The following NCOR2 variants were observed in gnomAD, a reference collection of about 807,000 sequenced individuals.
The protein encoded by NCOR2 is CTG repeat protein 26.
A neutral mutation model predicts 262.9 loss-of-function variants in NCOR2; 81 were observed. The ratio of observed to expected loss-of-function variants is 0.31; its 90% confidence interval spans 0.26 to 0.37. NCOR2 has a LOEUF of 0.37. Ranked by LOEUF, NCOR2 falls within the 10% of genes least tolerant of loss-of-function variation. The pLI is 1.00. For synonymous variants in NCOR2, 1,659 were observed against 1,559.3 expected (o/e 1.06, Z -1.51); for missense variants, 3,385 against 3,621.4 (o/e 0.93, Z 1.68).
chr12:124,497,661 C>T (rs534744457), upstream of NCOR2, among the ~76,000 whole-genome samples: 3 of 152,360 alleles, frequency 2.0e-5, no homozygotes, highest in South Asian at 6.2e-4. This position sits in a 1 kb window ranked among gnomAD's most constrained non-coding sequence, Gnocchi z 4.2. Flanking sequence ...TGTGCATATT[C>T]CGACTGCCTA....
In NCOR2 at chr12:124,378,532, C is replaced by T. The variant is rs71458840; in HGVS notation, c.2020-148G>A. 19 of 784,998 alleles carry T rather than the reference C, an allele frequency of 2.4e-5. No individual in the cohort carries two copies. Among genetic ancestry groups the T allele is most frequent in the South Asian group, 3.8e-5 (2 of 53,080 alleles). 48.6% of individuals were successfully genotyped at this position (784,998 alleles called of 1,614,324 possible). On this transcript the variant is annotated intron_variant, in intron 17 of 46. Transcript: ENST00000405201. The surrounding 1 kb of genome is among the most constrained non-coding windows in gnomAD (Gnocchi z 4.2). ...TGACCGTCCCCCTCACACCCCACCT[C>T]GGCAGCCAAGCGTGCCAGGGTTTAT... is the stretch of plus-strand genomic sequence containing the variant.
intron 13 of NCOR2, among the ~76,000 whole-genome samples, chr12:124,405,742 C>A (rs1204095140): frequency 6.6e-6 from 1 of 152,288 alleles, no homozygotes; most frequent in East Asian, 1.9e-4. Flanking sequence ...GCTCACAACT[C>A]CCCCTGAGGA....
chr12:124,354,070 C>A (rs368491588), intron 27 of NCOR2, 23 bp downstream of exon 29: 1 of 1,599,204 alleles, frequency 6.3e-7, no homozygotes, highest in African/African-American at 1.3e-5. Context: ...ACCGTCCTTC[C>A]TGCCGCACCC....
rs368495791 is a variant in NCOR2, at chr12:124,342,953, C to T, written c.4936+52G>A. ...TCCCTGAGCGAACACTGATGAGGTC[C>T]GTGGCCCTGTTCAGCACCACTGCAG... On this transcript the variant is annotated intron_variant, in intron 33 of 46. Transcript: ENST00000405201. 40 of 1,585,208 alleles carry T rather than the reference C, an allele frequency of 2.5e-5. No individual in the cohort carries two copies. In the South Asian group the frequency reaches 3.7e-4, roughly 15 times the overall value.
exon 31 of NCOR2, chr12:124,346,604 GGCAGCTCGGGCGTGTGCC>G (rs2036960470): frequency 6.3e-7 from 1 of 1,585,162 alleles, no homozygotes; most frequent in Non-Finnish European, 8.5e-7. Context: ...CGGGGCCAGG[GGCAGCTCGGGCGTGTGCC>G]GCAGCTCCTC....
At chr12:124,340,856 C>T in intron 34 of NCOR2, 105 bp from the exon 37 acceptor site, 2 of 1,136,950 alleles carry the variant, frequency 1.8e-6, no homozygotes, top group Non-Finnish European at 2.3e-6. Context: ...ACTCCTGGAG[C>T]CAGCAGAGCT....
At chr12:124,362,353 TC>T in intron 21 of NCOR2, 56 bp from the exon 24 acceptor site, 1 of 1,328,742 alleles carries the variant, frequency 7.5e-7, no homozygotes, top group Non-Finnish European at 9.7e-7. Flanking sequence ...AGTGACAGGG[TC>T]AGGGAGAGAC....
In NCOR2 at chr12:124,517,522, C is replaced by T. The variant is rs1306596975; in HGVS notation, c.-118+18043G>A. The stretch of plus-strand genomic sequence containing the variant: ...GCCAAGCGCCACCTCGGTGGGGAGC[C>T]GGGCGCCGGGGCCGGGCTGCAGCGC... On this transcript the variant is annotated intron_variant, in intron 1 of 46. Transcript: ENST00000404621. This position sits in a 1 kb window ranked among gnomAD's most constrained non-coding sequence, Gnocchi z 7.6. Among the ~76,000 whole-genome samples, 8 of 152,104 alleles carry T rather than the reference C, an allele frequency of 5.3e-5. No homozygotes were observed. Among genetic ancestry groups the T allele is most frequent in the South Asian group, 2.1e-4 (1 of 4,826 alleles).
intron 6 of NCOR2, among the ~76,000 whole-genome samples, chr12:124,451,386 C>T (rs771779570): frequency 3.9e-5 from 6 of 152,250 alleles, no homozygotes; most frequent in Non-Finnish European, 5.9e-5. Flanking sequence ...GTAACCATAC[C>T]GGGTAACTGA....
intron 37 of NCOR2, among the ~76,000 whole-genome samples, chr12:124,339,599 C>T (rs950690833): frequency 8.6e-5 from 11 of 127,552 alleles, no homozygotes. Context: ...CATCTATCCT[C>T]CCACTGACCC....
At chr12:124,433,002 G>GCTGA (rs1165344092) in intron 8 of NCOR2, among the ~76,000 whole-genome samples, 3 of 152,290 alleles carry the variant, frequency 2.0e-5, no homozygotes, top group African/African-American at 7.2e-5. Context: ...CTTCGGTACA[G>GCTGA]TCAGAAAGCC....
intron 1 of NCOR2, among the ~76,000 whole-genome samples, chr12:124,550,773 T>C (rs867290272): frequency 2.0e-5 from 3 of 152,170 alleles, no homozygotes; most frequent in Admixed American, 6.5e-5. Context: ...CACACCTCAA[T>C]GGAGAGAGGG....
At chr12:124,344,807 C>A (rs766417938) in exon 32 of NCOR2, 2 of 1,554,200 alleles carry the variant, frequency 1.3e-6, no homozygotes, top group South Asian at 2.4e-5. Context: ...TCGTAGCAGG[C>A]ACGTTCCAGT....
chr12:124,380,802 C>CCT (rs2040358803), intron 17 of NCOR2, among the ~76,000 whole-genome samples: 1 of 151,848 alleles, frequency 6.6e-6, no homozygotes, highest in Non-Finnish European at 1.5e-5. Context: ...CGTGGGGTCT[C>CCT]TGAGGCAGTG....
chr12:124,415,749 G>A (rs1175978912), intron 13 of NCOR2, among the ~76,000 whole-genome samples: 1 of 152,168 alleles, frequency 6.6e-6, no homozygotes, highest in Non-Finnish European at 1.5e-5. Context: ...CCCAGGCACC[G>A]CAGATACCAC....
At chr12:124,465,119 T>C (rs546180420) in intron 5 of NCOR2, among the ~76,000 whole-genome samples, 2 of 149,616 alleles carry the variant, frequency 1.3e-5, no homozygotes, top group South Asian at 2.1e-4. Flanking sequence ...TGAGCACTGA[T>C]TGGCCAAGGA....
chr12:124,481,806 C>T lies in NCOR2; in HGVS notation c.411+1790G>A, dbSNP rs2047507789. On this transcript the variant is annotated intron_variant, in intron 3 of 46. Transcript: ENST00000405201. The surrounding 1 kb of genome is among the most constrained non-coding windows in gnomAD (Gnocchi z 4.6). ...GGGGGAACACACAGGGGGATGCAGTCGTCTGCCTTTATAAGAGCCCTCTGG... is the reference window on the plus strand; with the variant it reads ...GGGGGAACACACAGGGGGATGCAGTTGTCTGCCTTTATAAGAGCCCTCTGG... 6.6e-6 allele frequency among the ~76,000 whole-genome samples: 1 copy of T among 152,192 alleles called. No homozygotes were observed. The highest frequency in any genetic ancestry group is 1.9e-4 in the East Asian group (1 of 5,180).
chr12:124,356,530 G>A, intron 23 of NCOR2, 112 bp downstream of exon 25: 2 of 972,138 alleles, frequency 2.1e-6, no homozygotes, highest in Non-Finnish European at 2.7e-6. Context: ...CCTCCAGCCA[G>A]GTCCCATAAG....
chr12:124,456,866 G>A (rs2045894848), intron 6 of NCOR2, among the ~76,000 whole-genome samples: 1 of 152,218 alleles, frequency 6.6e-6, no homozygotes, highest in Non-Finnish European at 1.5e-5. Context: ...GTGCGCAGGT[G>A]GCCCCGGAGG....
Sources: allele counts gnomAD v4.1 joint callset (sites outside exome capture counted in the v4.1 genomes callset), GRCh38; gene constraint gnomAD v4.1.1; non-coding constraint Gnocchi (gnomAD v3.1); transcripts MANE v1.5; gene names NCBI Gene and HGNC (gene_info 2026-07-23, HGNC 2026-07-21).